Variants in RERE observed in about 807,000 individuals in gnomAD.
The protein encoded by RERE is arginine-glutamic acid dipeptide repeats, also known as arginine-glutamic acid dipeptide repeats protein.
Under a neutral mutation model 146.1 loss-of-function variants are expected in RERE, and 40 were observed. That is an observed-to-expected ratio of 0.27 (90% CI 0.21 to 0.36). The LOEUF (loss-of-function observed/expected upper bound fraction) is 0.36, where lower values mean the gene tolerates loss of function less well. Among genes scored for constraint, RERE ranks in the 10% least tolerant of loss-of-function variants. RERE has a pLI of 1.00. For synonymous variants in RERE, 1,003 were observed against 866.0 expected (o/e 1.16, Z -2.78); for missense variants, 1,933 against 2,138.7 (o/e 0.90, Z 1.90).
At chr1:8,673,471 T>A (rs1424110761) in intron 1 of RERE, among the ~76,000 whole-genome samples, 1 of 152,202 alleles carries the variant, frequency 6.6e-6, no homozygotes, top group Non-Finnish European at 1.5e-5. Context: ...ACTCCAGTCC[T>A]GTTTACCATG....
At chr1:8,438,494 G>A (rs145041049) in intron 11 of RERE, among the ~76,000 whole-genome samples, 1 of 152,250 alleles carries the variant, frequency 6.6e-6, no homozygotes, top group African/African-American at 2.4e-5. Context: ...GAAGGTATAG[G>A]GATTTCCCAT....
In RERE at chr1:8,355,606, A is replaced by T; in HGVS notation, c.4487-7T>A. On this transcript the variant is annotated splice_region_variant and splice_polypyrimidine_tract_variant and intron_variant, in intron 21 of 22. Transcript: ENST00000400908. ...TCACGGGGGTAGGGGGTGCCTGCCG[A>T]ACACAAAACAACCTGCGCTACAGAA... 4.5e-6 allele frequency: 7 copies of T among 1,563,838 alleles called. No homozygotes were observed. Among genetic ancestry groups the T allele is most frequent in the Non-Finnish European group, 6.1e-6 (7 of 1,152,150 alleles).
intron 7 of RERE, among the ~76,000 whole-genome samples, chr1:8,535,758 G>C (rs763876881): frequency 1.3e-5 from 2 of 152,108 alleles, no homozygotes; most frequent in Admixed American, 1.3e-4. Context: ...CTTCTAGGAA[G>C]AGGAAGAGGA....
chr1:8,644,509 C>T (rs186920604), intron 2 of RERE, among the ~76,000 whole-genome samples: 23 of 152,320 alleles, frequency 1.5e-4, no homozygotes, highest in African/African-American at 5.5e-4. Flanking sequence ...GATCAATGTA[C>T]ACCACCTTGC....
At chr1:8,499,957 G>A (rs1432069318) in intron 8 of RERE, among the ~76,000 whole-genome samples, 8 of 151,934 alleles carry the variant, frequency 5.3e-5, no homozygotes, top group South Asian at 2.1e-4. Context: ...CTGTCTCTAC[G>A]AAAAATACAA....
chr1:8,358,306 G>A lies in RERE; in HGVS notation c.4229C>T (p.Thr1410Ile). The change falls in exon 20 of 23, where the codon ACC becomes ATC. Residue 1410 changes from threonine to isoleucine, a missense_variant. This residue lies in a region of RERE where 47 missense variants were observed against 58.6 expected (regional missense o/e 0.80). Transcript: ENST00000400908. ...RIHAERMASLTSDPLARLQMF... is the reference protein window; with the variant it reads ...RIHAERMASLISDPLARLQMF... ...CTGCAGTCGGGCCAGGGGATCGCTG[G>A]TCAGCGATGCCATGCGCTCTGCGTG... is the stretch of plus-strand genomic sequence containing the variant. 6.2e-7 allele frequency: 1 copy of A among 1,613,656 alleles called. No homozygotes were observed. Among genetic ancestry groups the A allele is most frequent in the Non-Finnish European group, 8.5e-7 (1 of 1,179,724 alleles).
In RERE at chr1:8,423,255, G is replaced by A. The variant is rs1423324224; in HGVS notation, c.1204-448C>T. 2 of 154,618 alleles carry A rather than the reference G, an allele frequency of 1.3e-5. No homozygotes were observed. Among genetic ancestry groups the A allele is most frequent in the Admixed American group, 6.4e-5 (1 of 15,618 alleles). The allele number at this position is 154,618 out of a possible 1,614,324, so 9.6% of individuals were successfully genotyped here. On this transcript the variant is annotated intron_variant, in intron 11 of 22. Transcript: ENST00000400908. This position sits in a 1 kb window ranked among gnomAD's most constrained non-coding sequence, Gnocchi z 5.4. ...CTTCTCCAGAAGGGAACCCTAGGGG[G>A]TTAAAAGGCCGCTTTCCTTAATCCA... is the stretch of plus-strand genomic sequence containing the variant.
intron 1 of RERE, among the ~76,000 whole-genome samples, chr1:8,803,261 A>G (rs1641620490): frequency 6.6e-6 from 1 of 152,088 alleles, no homozygotes; most frequent in Admixed American, 6.5e-5. Flanking sequence ...GAGGATCACG[A>G]GATCAAGACC....
intron 1 of RERE, among the ~76,000 whole-genome samples, chr1:8,732,802 A>G (rs1476958719): frequency 2.1e-5 from 2 of 94,974 alleles, no homozygotes; most frequent in Non-Finnish European, 4.3e-5. Context: ...CCAATTTTCA[A>G]TTTTTCTTTT....
intron 7 of RERE, among the ~76,000 whole-genome samples, chr1:8,514,760 A>AAAGAC (rs1345275074): frequency 2.0e-5 from 3 of 152,020 alleles, no homozygotes; most frequent in Non-Finnish European, 4.4e-5. Flanking sequence ...AAAAGAAAGA[A>AAAGAC]AAGACAAGAC....
At chr1:8,573,173 G>A (rs1016782534) in intron 4 of RERE, among the ~76,000 whole-genome samples, 2 of 151,918 alleles carry the variant, frequency 1.3e-5, no homozygotes, top group African/African-American at 4.8e-5. Flanking sequence ...CAGGCAGAAA[G>A]GTATAAAAAT....
At chr1:8,536,434 G>T (rs764768327) in intron 7 of RERE, among the ~76,000 whole-genome samples, 29 of 152,140 alleles carry the variant, frequency 1.9e-4, no homozygotes, top group Admixed American at 3.3e-4. Flanking sequence ...AGCAACTAAG[G>T]ACAGTAAAGA....
chr1:8,660,775 T>C (rs1280880050), intron 1 of RERE, among the ~76,000 whole-genome samples: 1 of 152,232 alleles, frequency 6.6e-6, no homozygotes, highest in Non-Finnish European at 1.5e-5. Context: ...ATTGAAAATA[T>C]CTGTGTCAAT....
intron 5 of RERE, among the ~76,000 whole-genome samples, chr1:8,557,182 T>C (rs1646018114): frequency 6.6e-6 from 1 of 152,162 alleles, no homozygotes; most frequent in Non-Finnish European, 1.5e-5. Flanking sequence ...AGACAATGCA[T>C]GGCCCCAGCA....
intron 2 of RERE, among the ~76,000 whole-genome samples, chr1:8,650,249 A>C (rs1215405089): frequency 1.3e-5 from 2 of 152,214 alleles, no homozygotes; most frequent in African/African-American, 4.8e-5. Context: ...CTAAACACTA[A>C]ACAATTTAAA....
At chr1:8,725,299 C>T (rs1434469814) in intron 1 of RERE, among the ~76,000 whole-genome samples, 1 of 152,202 alleles carries the variant, frequency 6.6e-6, no homozygotes, top group Non-Finnish European at 1.5e-5. Flanking sequence ...GATGCGGTGG[C>T]TCACGCCTGT....
At chr1:8,778,258 A>T (rs1427344719) in intron 1 of RERE, among the ~76,000 whole-genome samples, 1 of 152,208 alleles carries the variant, frequency 6.6e-6, no homozygotes, top group African/African-American at 2.4e-5. Flanking sequence ...CTCTAAGAAG[A>T]TGTTTCTTGA....
intron 11 of RERE, among the ~76,000 whole-genome samples, chr1:8,426,449 C>CAA (rs36061391): frequency 3.6e-5 from 4 of 109,876 alleles, no homozygotes; most frequent in African/African-American, 6.8e-5. Flanking sequence ...GACTCTGTCT[C>CAA]AAAAAAAAAA....
chr1:8,369,003 A>T (rs1373852202), intron 12 of RERE, among the ~76,000 whole-genome samples: 3 of 152,132 alleles, frequency 2.0e-5, no homozygotes, highest in African/African-American at 7.2e-5. Context: ...AGCTTAAGAC[A>T]AGCCTGGGCC....
Sources: allele counts gnomAD v4.1 joint callset (sites outside exome capture counted in the v4.1 genomes callset), GRCh38; gene constraint gnomAD v4.1.1; regional missense constraint gnomAD v4.1.1; non-coding constraint Gnocchi (gnomAD v3.1); transcripts MANE v1.5; gene names NCBI Gene and HGNC (gene_info 2026-07-23, HGNC 2026-07-21).